PTPRR: variants seen among roughly 807,000 people sequenced by gnomAD.
PTPRR encodes receptor-type tyrosine-protein phosphatase R.
PTPRR carries 38 observed loss-of-function variants against 77.2 expected under a neutral mutation model. That is an observed-to-expected ratio of 0.49 (90% CI 0.38 to 0.65). The LOEUF is 0.65. PTPRR is among the 30% of genes least tolerant of loss of function. PTPRR has a pLI of 0.00. For missense variants in PTPRR, 744 were observed against 799.2 expected (o/e 0.93, Z 0.83); for synonymous variants, 299 against 283.1 (o/e 1.06, Z -0.57).
chr12:70,668,610 G>C (rs1473699613), intron 10 of PTPRR, among the ~76,000 whole-genome samples: 1 of 151,966 alleles, frequency 6.6e-6, no homozygotes, highest in Non-Finnish European at 1.5e-5. Flanking sequence ...TTTCTTATTA[G>C]TATCTTACCA....
intron 2 of PTPRR, among the ~76,000 whole-genome samples, chr12:70,833,375 G>A (rs1892248205): frequency 6.6e-6 from 1 of 152,074 alleles, no homozygotes; most frequent in African/African-American, 2.4e-5. Context: ...TGGTGGGTGG[G>A]GGTAAAAATG....
intron 6 of PTPRR, among the ~76,000 whole-genome samples, chr12:70,719,974 T>G (rs904709212): frequency 1.3e-5 from 2 of 152,312 alleles, no homozygotes; most frequent in African/African-American, 4.8e-5. Context: ...CCCTGAAACC[T>G]CTCCTGTCTG....
chr12:70,767,387 T>A (rs1210478834), intron 2 of PTPRR, among the ~76,000 whole-genome samples: 11 of 148,620 alleles, frequency 7.4e-5, no homozygotes, highest in Non-Finnish European at 7.5e-5. Context: ...AAAACAGACT[T>A]TAAACCAACA....
intron 2 of PTPRR, among the ~76,000 whole-genome samples, chr12:70,765,514 C>T (rs1295228010): frequency 6.6e-6 from 1 of 152,158 alleles, no homozygotes; most frequent in South Asian, 2.1e-4. Flanking sequence ...CGGGAAGCTC[C>T]AACTGGGTGG....
chr12:70,725,284 A>G (rs1312772293), intron 6 of PTPRR, among the ~76,000 whole-genome samples: 2 of 152,170 alleles, frequency 1.3e-5, no homozygotes, highest in Non-Finnish European at 2.9e-5. Flanking sequence ...AATATTTTTG[A>G]TAAGAGGAGA....
intron 6 of PTPRR, among the ~76,000 whole-genome samples, chr12:70,727,139 A>C (rs1301242168): frequency 6.6e-6 from 1 of 152,184 alleles, no homozygotes; most frequent in Non-Finnish European, 1.5e-5. Flanking sequence ...GAAATCTTGA[A>C]ATTGTCTCAC....
intron 5 of PTPRR, among the ~76,000 whole-genome samples, chr12:70,752,582 C>T (rs1167012417): frequency 2.0e-5 from 3 of 152,140 alleles, no homozygotes; most frequent in African/African-American, 7.2e-5. Flanking sequence ...TTTCTGCTGC[C>T]CTTTAGTACT....
intron 8 of PTPRR, among the ~76,000 whole-genome samples, chr12:70,685,688 C>G (rs961635425): frequency 1.2e-3 from 180 of 151,846 alleles, no homozygotes; most frequent in African/African-American, 3.9e-3. Flanking sequence ...AAACAAAAAA[C>G]TATGATTCAT....
intron 2 of PTPRR, among the ~76,000 whole-genome samples, chr12:70,854,352 G>C (rs543900123): frequency 1.3e-4 from 20 of 152,268 alleles, no homozygotes; most frequent in African/African-American, 3.8e-4. Context: ...CAAAATCAAA[G>C]CACCACAACG....
intron 6 of PTPRR, among the ~76,000 whole-genome samples, chr12:70,722,603 T>C (rs1889297995): frequency 6.6e-6 from 1 of 152,170 alleles, no homozygotes; most frequent in Admixed American, 6.5e-5. Context: ...ATGAGTTATC[T>C]TATTTGCCAG....
Position 70,780,451 on chromosome 12 carries a change from T to C in PTPRR, c.358-15673A>G, listed in dbSNP as rs144418581. On this transcript the variant is annotated intron_variant, in intron 2 of 13. Coordinates refer to ENST00000283228, the MANE Select transcript of PTPRR (RefSeq NM_002849.4). ...GTTAATGCATATGATAGAAAATTTA[T>C]AAAATATAATGATTAGAAAAAAGAA... 2.9e-3 allele frequency among the ~76,000 whole-genome samples: 442 copies of C among 152,328 alleles called. 2 individuals carry two copies. The highest frequency in any genetic ancestry group is 0.01 in the African/African-American group (427 of 41,590).
At chr12:70,837,529 C>T (rs745761007) in intron 2 of PTPRR, among the ~76,000 whole-genome samples, 3 of 151,924 alleles carry the variant, frequency 2.0e-5, no homozygotes, top group Non-Finnish European at 4.4e-5. Context: ...AAGCAGCTCT[C>T]GGAACTCAGG....
chr12:70,721,616 T>C (rs1191221079), intron 6 of PTPRR, among the ~76,000 whole-genome samples: 1 of 152,222 alleles, frequency 6.6e-6, no homozygotes, highest in Non-Finnish European at 1.5e-5. Context: ...TTTCCCTGAC[T>C]GCTTAGAAAT....
At chr12:70,686,695 G>A (rs2136742189) in intron 8 of PTPRR, among the ~76,000 whole-genome samples, 1 of 152,208 alleles carries the variant, frequency 6.6e-6, no homozygotes, top group African/African-American at 2.4e-5. Context: ...GAAATAGTGG[G>A]GAACTGAGGC....
chr12:70,879,376 A>C (rs1236232732), intron 2 of PTPRR, among the ~76,000 whole-genome samples: 1 of 152,066 alleles, frequency 6.6e-6, no homozygotes, highest in African/African-American at 2.4e-5. Flanking sequence ...GAAGAATAGA[A>C]ATTTACAGAT....
At chr12:70,773,010 T>C (rs1400729068) in intron 2 of PTPRR, among the ~76,000 whole-genome samples, 1 of 152,188 alleles carries the variant, frequency 6.6e-6, no homozygotes, top group Non-Finnish European at 1.5e-5. Context: ...TTCTAGCTTC[T>C]GGTGTTTGCC....
chr12:70,868,578 C>CA (rs1188031682), intron 2 of PTPRR, among the ~76,000 whole-genome samples: 1 of 151,920 alleles, frequency 6.6e-6, no homozygotes, highest in African/African-American at 2.4e-5. Context: ...AACACTTTTA[C>CA]ACTGTTGGTG....
At chr12:70,762,030 T>C (rs1324230471) in intron 3 of PTPRR, among the ~76,000 whole-genome samples, 1 of 152,190 alleles carries the variant, frequency 6.6e-6, no homozygotes, top group Non-Finnish European at 1.5e-5. Flanking sequence ...ATATTAGACA[T>C]CACCACTCTC....
At chr12:70,642,610 A>G (rs1867006) in intron 13 of PTPRR, among the ~76,000 whole-genome samples, 15,401 of 152,198 alleles carry the variant, frequency 0.1, 1,205 homozygotes, top group East Asian at 0.28. Context: ...ACCTACAAGC[A>G]TAATGGCATG....
Sources: allele counts gnomAD v4.1 joint callset (sites outside exome capture counted in the v4.1 genomes callset), GRCh38; gene constraint gnomAD v4.1.1; transcripts MANE v1.5; gene names NCBI Gene and HGNC (gene_info 2026-07-23, HGNC 2026-07-21).